Variants in FAM81B observed in about 807,000 individuals in gnomAD.
FAM81B encodes family with sequence similarity 81 member B.
A neutral mutation model predicts 58.7 loss-of-function variants in FAM81B; 60 were observed. The observed-to-expected ratio is 1.02, with a 90% CI of 0.83 to 1.27. The LOEUF is 1.27. Ranked by LOEUF, FAM81B falls within the 50% of genes most tolerant of loss-of-function variation. FAM81B has a pLI of 0.00. For missense variants in FAM81B, 491 were observed against 522.0 expected, an observed-to-expected ratio of 0.94 and a Z score of 0.58; for synonymous variants, 189 against 179.6, an observed-to-expected ratio of 1.05 and a Z score of -0.42.
chr5:95,391,453 T>G lies in FAM81B; in HGVS notation c.64T>G (p.Phe22Val). 1 of 1,613,760 alleles carries G rather than the reference T, an allele frequency of 6.2e-7. No individual in the cohort carries two copies. The highest frequency in any genetic ancestry group is 8.5e-7 in the Non-Finnish European group (1 of 1,179,814). ...AAAAAGAAAAAAATCACAGAGATTG[T>G]TTTTCAAAAATATCAAATCTACAAA... ...SEKRKKSQRL[F>V]FKNIKSTKNK... Residue 22 changes from phenylalanine (F) to valine (V), a missense_variant, in exon 1 of 10, where the codon TTT (phenylalanine) becomes GTT (valine). Coordinates refer to ENST00000283357, the MANE Select transcript of FAM81B (RefSeq NM_152548.3).
intron 5 of FAM81B, chr5:95,423,965 C>G (rs1762755857): frequency 2.4e-6 from 3 of 1,265,482 alleles, no homozygotes; most frequent in Non-Finnish European, 3.1e-6. Flanking sequence ...AACATGTCCC[C>G]TTAGAGATTC....
intron 9 of FAM81B, among the ~76,000 whole-genome samples, chr5:95,449,694 T>A (rs1300056128): frequency 5.3e-5 from 8 of 152,098 alleles, no homozygotes; most frequent in African/African-American, 1.9e-4. Flanking sequence ...AGATACAAAG[T>A]GCTAGGAGGG....
intron 6 of FAM81B, among the ~76,000 whole-genome samples, chr5:95,431,219 A>G (rs1475253803): frequency 4.0e-5 from 6 of 151,878 alleles, no homozygotes; most frequent in African/African-American, 1.5e-4. Flanking sequence ...GGAATTTCAA[A>G]TCAGTTAGAA....
In FAM81B at chr5:95,413,944, C is replaced by T; in HGVS notation, c.294-3C>T. On this transcript the variant is annotated splice_region_variant and splice_polypyrimidine_tract_variant and intron_variant, in intron 3 of 9. Coordinates refer to ENST00000283357, the MANE Select transcript of FAM81B (RefSeq NM_152548.3). Reference sequence around the variant, plus strand: ...GGTGTTTCCTTTTCCTTTTTCTGATCAGGAGTCATGCTTTTCTCCCCATCA... The same window carrying T: ...GGTGTTTCCTTTTCCTTTTTCTGATTAGGAGTCATGCTTTTCTCCCCATCA... 1 of 1,609,540 alleles carries T rather than the reference C, an allele frequency of 6.2e-7. No homozygotes were observed. The highest frequency in any genetic ancestry group is 1.1e-5 in the South Asian group (1 of 90,166).
chr5:95,446,517 T>C, intron 7 of FAM81B, 45 bp from the exon 8 acceptor site: 1 of 1,483,962 alleles, frequency 6.7e-7, no homozygotes, highest in Non-Finnish European at 9.0e-7. Flanking sequence ...ATTTTTTATG[T>C]TTAAATTAAC....
chr5:95,392,976 T>C lies in FAM81B; in HGVS notation c.228+79T>C. 8.8e-6 allele frequency: 11 copies of C among 1,254,110 alleles called. 1 individual carries two copies. The South Asian group carries it at 1.2e-4, about 13-fold the overall frequency. The allele number at this position is 1,254,110 out of a possible 1,614,324, so 77.7% of individuals were successfully genotyped here. ...TAAAGTTTAGAGTGCTTAGAGAGTT[T>C]AAGAAGTTCTGGAAGAATAGTTCTC... On this transcript the variant is annotated intron_variant, in intron 2 of 9. Coordinates refer to ENST00000283357, the MANE Select transcript of FAM81B (RefSeq NM_152548.3).
chr5:95,439,236 G>GTATATATATATATCTATATATA (rs1745222043), intron 7 of FAM81B, among the ~76,000 whole-genome samples: 1 of 105,184 alleles, frequency 9.5e-6, no homozygotes, highest in African/African-American at 3.5e-5. Flanking sequence ...AGGTTAAAGA[G>GTATATATATATATCTATATATA]TATATATATA....
At chr5:95,417,828 T>C (rs1762576892) in intron 4 of FAM81B, among the ~76,000 whole-genome samples, 1 of 152,222 alleles carries the variant, frequency 6.6e-6, no homozygotes, top group Admixed American at 6.5e-5. Context: ...TCCAGGCTGC[T>C]TGCAGTACAT....
At chr5:95,449,145 TC>T (rs1245036462) in intron 9 of FAM81B, among the ~76,000 whole-genome samples, 1 of 152,212 alleles carries the variant, frequency 6.6e-6, no homozygotes, top group Non-Finnish European at 1.5e-5. Context: ...TAATTTTTTT[TC>T]TTTTGTCTTC....
chr5:95,406,283 C>G (rs748702842), intron 3 of FAM81B: 1 of 154,450 alleles, frequency 6.5e-6, no homozygotes, highest in Non-Finnish European at 1.5e-5. Context: ...TGGAACTGAA[C>G]AGAAGGAATA....
At chr5:95,447,858 T>C (rs1745639655) in intron 8 of FAM81B, among the ~76,000 whole-genome samples, 1 of 152,184 alleles carries the variant, frequency 6.6e-6, no homozygotes, top group Non-Finnish European at 1.5e-5. Context: ...TTCCTGGGGC[T>C]GGGGTATGGT....
chr5:95,445,355 A>G (rs979380349), intron 7 of FAM81B, among the ~76,000 whole-genome samples: 2 of 152,198 alleles, frequency 1.3e-5, no homozygotes, highest in African/African-American at 4.8e-5. Context: ...TGAAGCCAAC[A>G]TCTTATCATG....
intron 5 of FAM81B, among the ~76,000 whole-genome samples, chr5:95,425,275 T>A (rs1349655726): frequency 6.6e-6 from 1 of 151,910 alleles, no homozygotes; most frequent in Non-Finnish European, 1.5e-5. Flanking sequence ...GAAAAAATGA[T>A]ATAAGAACAA....
chr5:95,392,329 A>G (rs1428725018), intron 1 of FAM81B, among the ~76,000 whole-genome samples: 1 of 152,074 alleles, frequency 6.6e-6, no homozygotes, highest in Non-Finnish European at 1.5e-5. Flanking sequence ...CAGGGAGGGG[A>G]ACATCACACA....
intron 7 of FAM81B, among the ~76,000 whole-genome samples, chr5:95,446,042 C>T (rs555014954): frequency 2.3e-4 from 35 of 152,284 alleles, no homozygotes; most frequent in South Asian, 2.3e-3. Flanking sequence ...AGACTATAAC[C>T]GTACTCATTT....
chr5:95,408,773 A>G (rs1762332401), intron 3 of FAM81B, among the ~76,000 whole-genome samples: 2 of 152,240 alleles, frequency 1.3e-5, no homozygotes, highest in African/African-American at 4.8e-5. Context: ...TGCTAGCCAC[A>G]AGGTCTGGCT....
intron 4 of FAM81B, among the ~76,000 whole-genome samples, chr5:95,417,134 T>TA (rs1339766152): frequency 6.6e-6 from 1 of 152,226 alleles, no homozygotes. Flanking sequence ...GAAGTGGAAT[T>TA]ACTAAGGTAT....
intron 3 of FAM81B, among the ~76,000 whole-genome samples, chr5:95,408,637 G>C (rs1477646809): frequency 6.6e-6 from 1 of 152,152 alleles, no homozygotes; most frequent in Non-Finnish European, 1.5e-5. Context: ...GTTGTTAGCT[G>C]GGTAAACTCG....
At chr5:95,401,661 T>A (rs540544419) in intron 3 of FAM81B, among the ~76,000 whole-genome samples, 3 of 152,178 alleles carry the variant, frequency 2.0e-5, no homozygotes, top group Admixed American at 1.3e-4. Context: ...AATGTAGAAA[T>A]CTTTCTTCGG....
Sources: gnomAD v4.1 joint callset for allele counts (sites outside exome capture counted in the v4.1 genomes callset) on GRCh38, gnomAD v4.1.1 for gene constraint, MANE v1.5 for transcripts, NCBI Gene and HGNC (gene_info 2026-07-23, HGNC 2026-07-21) for gene names.